Variants in PITPNM2 observed in about 807,000 individuals in gnomAD.
PITPNM2 encodes phosphatidylinositol transfer protein membrane associated 2.
Under a neutral mutation model 132.2 loss-of-function variants are expected in PITPNM2, and 35 were observed. The ratio of observed to expected loss-of-function variants is 0.26; its 90% CI spans 0.20 to 0.35. The LOEUF is 0.35. PITPNM2 is among the 10% of genes least tolerant of loss of function. The pLI, the probability that PITPNM2 is intolerant of heterozygous loss-of-function variation, is 1.00. For missense variants in PITPNM2, 1,332 were observed against 1,912.0 expected (o/e 0.70, Z 5.66); for synonymous variants, 738 against 799.2 (o/e 0.92, Z 1.29).
chr12:123,068,630 G>C (rs2041524459), intron 2 of PITPNM2, among the ~76,000 whole-genome samples: 1 of 152,170 alleles, frequency 6.6e-6, no homozygotes, highest in African/African-American at 2.4e-5. Context: ...AACCCCAAGG[G>C]GCTCAGCATC....
At chr12:123,065,832 G>A (rs1180379316) in intron 2 of PITPNM2, among the ~76,000 whole-genome samples, 2 of 152,178 alleles carry the variant, frequency 1.3e-5, no homozygotes, top group Admixed American at 6.5e-5. Flanking sequence ...AGCCACAGGG[G>A]CACTGGTACT....
chr12:123,122,844 TC>T (rs1363426677), intron 1 of PITPNM2, among the ~76,000 whole-genome samples: 1 of 152,226 alleles, frequency 6.6e-6, no homozygotes, highest in Non-Finnish European at 1.5e-5. Flanking sequence ...AGGAGTTTTC[TC>T]CAGATTTTTA....
At chr12:123,006,710 C>T (rs1000114669) in intron 6 of PITPNM2, among the ~76,000 whole-genome samples, 2 of 110,100 alleles carry the variant, frequency 1.8e-5, no homozygotes, top group Non-Finnish European at 3.6e-5. Flanking sequence ...AAGACCCTGT[C>T]TCAAAATAGT....
rs147120854 is a variant in PITPNM2, at chr12:123,028,144, C to T, written c.78+6369G>A. Among the ~76,000 whole-genome samples, 883 of 152,342 alleles carry T rather than the reference C, an allele frequency of 5.8e-3. 7 individuals carry two copies. The highest frequency in any genetic ancestry group is 9.5e-3 in the Non-Finnish European group (648 of 68,032). ...CCCTGAAAGCAGCCGCTCCCAGGGTCCTGGCCAGGCCACCTCCGGCCACTC... is the reference window on the plus strand; with the variant it reads ...CCCTGAAAGCAGCCGCTCCCAGGGTTCTGGCCAGGCCACCTCCGGCCACTC... On this transcript the variant is annotated intron_variant, in intron 3 of 25. Coordinates refer to ENST00000320201, the MANE Select transcript of PITPNM2 (RefSeq NM_020845.3).
chr12:123,038,498 T>C (rs75041706), intron 2 of PITPNM2, among the ~76,000 whole-genome samples: 9,050 of 152,256 alleles, frequency 0.059, 887 homozygotes, highest in African/African-American at 0.21. Flanking sequence ...GGAGTTACCA[T>C]GAGTGTCATG....
rs993924971 is a variant in PITPNM2, at chr12:122,991,754, C to A, written c.2404+745G>T. The stretch of plus-strand genomic sequence containing the variant: ...CACCACGAGCAGGGGAGGGTACACA[C>A]ACTCGGCACAGCCCGGGCGGGGCCC... On this transcript the variant is annotated intron_variant, in intron 16 of 25. Coordinates refer to ENST00000320201, the MANE Select transcript of PITPNM2 (RefSeq NM_020845.3). The A allele has an allele frequency of 3.9e-6, 5 of 1,297,422 alleles. No individual in the cohort carries two copies. In the Admixed American group the frequency reaches 9.2e-5, roughly 24 times the overall value. 80.4% of individuals were successfully genotyped at this position (1,297,422 alleles called of 1,614,324 possible).
At chr12:123,021,290 C>T (rs557764792) in intron 3 of PITPNM2, among the ~76,000 whole-genome samples, 67 of 152,254 alleles carry the variant, frequency 4.4e-4, no homozygotes, top group Non-Finnish European at 8.4e-4. Context: ...GCCACAGGGG[C>T]CCCAGCCCTG....
At chr12:122,988,969 G>A (rs1004376819) in intron 18 of PITPNM2, 97 bp from the exon 19 acceptor site, 18 of 1,315,436 alleles carry the variant, frequency 1.4e-5, no homozygotes, top group Middle Eastern at 2.6e-4. Context: ...GCCCAGCACA[G>A]TCCCCCCACC....
At chr12:123,119,438 AG>A (rs2042991950) in intron 1 of PITPNM2, among the ~76,000 whole-genome samples, 1 of 150,860 alleles carries the variant, frequency 6.6e-6, no homozygotes, top group East Asian at 1.9e-4. Context: ...GCTCACTGCA[AG>A]CTCCGCCTCC....
intron 2 of PITPNM2, among the ~76,000 whole-genome samples, chr12:123,096,826 C>T (rs2042422387): frequency 6.6e-6 from 1 of 152,100 alleles, no homozygotes; most frequent in African/African-American, 2.4e-5. Flanking sequence ...CAGGAGCCAC[C>T]CAGCAGGATG....
In PITPNM2 at chr12:123,121,044, G is replaced by A. The variant is rs559721272; in HGVS notation, c.-199-10556C>T. Reference sequence around the variant, plus strand: ...TAGAATCTTCTCAGAACACACAGCTGCTGCAGGCCCAGCCCAGGCTCCTTC... The same window carrying A: ...TAGAATCTTCTCAGAACACACAGCTACTGCAGGCCCAGCCCAGGCTCCTTC... On this transcript the variant is annotated intron_variant, in intron 1 of 25. Coordinates refer to ENST00000320201, the MANE Select transcript of PITPNM2 (RefSeq NM_020845.3). 4.4e-3 allele frequency among the ~76,000 whole-genome samples: 671 copies of A among 152,336 alleles called. 5 individuals are homozygous for A. The highest frequency in any genetic ancestry group is 0.015 in the African/African-American group (623 of 41,576).
chr12:123,021,424 C>A (rs560127751), intron 3 of PITPNM2, among the ~76,000 whole-genome samples: 5 of 152,206 alleles, frequency 3.3e-5, no homozygotes, highest in Non-Finnish European at 2.9e-5. Context: ...CTTGACCCCC[C>A]AAGCTCAAGC....
rs1027594925 is a variant in PITPNM2, at chr12:123,097,805, G to A, written c.-96+12580C>T. On this transcript the variant is annotated intron_variant, in intron 2 of 25. Transcript: ENST00000320201. The surrounding 1 kb of genome is among the most constrained non-coding windows in gnomAD (Gnocchi z 4.7). ...GATGACGGGCAGGTCCCCAGCTCCT[G>A]GGCTGACCTCGCCCCTACATCTGCC... is the stretch of plus-strand genomic sequence containing the variant. Among the ~76,000 whole-genome samples the A allele has an allele frequency of 6.6e-6, 1 of 152,202 alleles. No individual in the cohort carries two copies. The highest frequency in any genetic ancestry group is 2.4e-5 in the African/African-American group (1 of 41,440).
chr12:123,005,726 G>A lies in PITPNM2; in HGVS notation c.644-178C>T. The A allele has an allele frequency of 1.6e-6, 1 of 618,352 alleles. No individual in the cohort carries two copies. The highest frequency in any genetic ancestry group is 2.8e-6 in the Non-Finnish European group (1 of 354,594). The allele number at this position is 618,352 out of a possible 1,614,324, so 38.3% of individuals were successfully genotyped here. ...CCCCATTTGTAAAATAAGGGGACTGGCTCACAGATAGTCTCACAAGCTCAT... is the reference window on the plus strand; with the variant it reads ...CCCCATTTGTAAAATAAGGGGACTGACTCACAGATAGTCTCACAAGCTCAT... On this transcript the variant is annotated intron_variant, in intron 6 of 25. Transcript: ENST00000320201. The surrounding 1 kb of genome is among the most constrained non-coding windows in gnomAD (Gnocchi z 6.2).
intron 1 of PITPNM2, among the ~76,000 whole-genome samples, chr12:123,126,622 A>G (rs924166217): frequency 7.2e-5 from 11 of 152,232 alleles, no homozygotes; most frequent in African/African-American, 2.7e-4. Context: ...AAGTATGGCC[A>G]GCATGATGGG....
At chr12:123,042,368 G>C (rs2040515255) in intron 2 of PITPNM2, among the ~76,000 whole-genome samples, 1 of 152,226 alleles carries the variant, frequency 6.6e-6, no homozygotes, top group African/African-American at 2.4e-5. Context: ...CGGAGGCCAT[G>C]AGACACCCTG....
chr12:123,000,718 C>T lies in PITPNM2; in HGVS notation c.1224+60G>A, dbSNP rs2038623140. On this transcript the variant is annotated intron_variant, in intron 10 of 25. Transcript: ENST00000320201. This position sits in a 1 kb window ranked among gnomAD's most constrained non-coding sequence, Gnocchi z 5.4. ...CTCTGTAACCCCTCAGACTATTCCT[C>T]TGCACCCTGCCCCTCCCTTGGCGGC... The T allele has an allele frequency of 1.9e-6, 3 of 1,564,176 alleles. No individual in the cohort carries two copies. The African/African-American group carries it at 4.1e-5, about 21-fold the overall frequency.
rs140551251 is a variant in PITPNM2, at chr12:123,067,759, G to A, written c.-95-33074C>T. Among the ~76,000 whole-genome samples, 184 of 152,234 alleles carry A rather than the reference G, an allele frequency of 1.2e-3. 1 individual carries two copies. The highest frequency in any genetic ancestry group is 4.1e-3 in the South Asian group (20 of 4,824). On this transcript the variant is annotated intron_variant, in intron 2 of 25. Coordinates refer to ENST00000320201, the MANE Select transcript of PITPNM2 (RefSeq NM_020845.3). ...CATGCAGTTTGTGGTCATTTGTGAC[G>A]GCAGCCCCAGGAAACTAGTACATTG...
intron 1 of PITPNM2, among the ~76,000 whole-genome samples, chr12:123,114,951 C>A (rs1017496076): frequency 5.3e-5 from 8 of 152,202 alleles, no homozygotes; most frequent in African/African-American, 1.4e-4. Context: ...GAGATCCCTG[C>A]ATGAGGGCCA....
Sources: allele counts gnomAD v4.1 joint callset (sites outside exome capture counted in the v4.1 genomes callset), GRCh38; gene constraint gnomAD v4.1.1; non-coding constraint Gnocchi (gnomAD v3.1); transcripts MANE v1.5; gene names NCBI Gene and HGNC (gene_info 2026-07-23, HGNC 2026-07-21).